Variants in ASH1L observed in about 807,000 individuals in gnomAD.
ASH1L encodes the protein ASH1 like histone lysine methyltransferase, also known as histone-lysine N-methyltransferase ASH1L.
ASH1L carries 23 observed loss-of-function variants against 269.0 expected under a neutral mutation model. That is an observed-to-expected ratio of 0.09 (90% confidence interval 0.06 to 0.12). The LOEUF is 0.12. Among genes scored for constraint, ASH1L ranks in the 10% least tolerant of loss-of-function variants. The probability of loss-of-function intolerance (pLI) is 1.00; values close to 1 mark genes in which losing one functional copy is unlikely to be tolerated. For synonymous variants in ASH1L, 1,187 were observed against 1,253.5 expected (o/e 0.95, Z 1.12); for missense variants, 2,912 against 3,567.8 (o/e 0.82, Z 4.68).
chr1:155,512,513 G>A, intron 2 of ASH1L, among the ~76,000 whole-genome samples: 1 of 135,640 alleles, frequency 7.4e-6, no homozygotes, highest in East Asian at 2.5e-4. Flanking sequence ...GTGCAGTAGT[G>A]TGATCTCGGC....
intron 3 of ASH1L, among the ~76,000 whole-genome samples, chr1:155,469,046 C>T (rs1664897297): frequency 1.3e-5 from 2 of 152,304 alleles, no homozygotes; most frequent in African/African-American, 4.8e-5. Context: ...TTCCATTCCT[C>T]AGCCTCCAGA....
chr1:155,549,624 CA>C (rs1043659273), intron 1 of ASH1L, among the ~76,000 whole-genome samples: 3,003 of 60,466 alleles, frequency 0.05, 54 homozygotes, highest in African/African-American at 0.12. Context: ...GACTCAGTCT[CA>C]AAAAAAAAAA....
At chr1:155,370,708 C>T in intron 11 of ASH1L, 58 bp from the exon 12 acceptor site, 5 of 1,611,612 alleles carry the variant, frequency 3.1e-6, no homozygotes, top group East Asian at 2.2e-5. Context: ...GTAAATTTCA[C>T]ATCTTCCATT....
intron 13 of ASH1L, 74 bp from the exon 14 acceptor site, chr1:155,357,823 T>G (rs913315670): frequency 1.6e-5 from 22 of 1,389,348 alleles, no homozygotes; most frequent in Non-Finnish European, 2.1e-5. Context: ...CAGGCTGAAG[T>G]ACAATAGTAT....
In ASH1L at chr1:155,337,391, A is replaced by C. The variant is rs1652403323; in HGVS notation, c.*269T>G. On this transcript the variant is annotated 3_prime_UTR_variant, in exon 28 of 28. Transcript: ENST00000392403. Reference sequence around the variant, plus strand: ...AAAGTACCAGTAGGTTCTGGTCATCAATGTGGTCCTCCCTCCTCTCTACAT... The same window carrying C: ...AAAGTACCAGTAGGTTCTGGTCATCCATGTGGTCCTCCCTCCTCTCTACAT... 1 of 284,792 alleles carries C rather than the reference A, an allele frequency of 3.5e-6. No homozygotes were observed. Among genetic ancestry groups the C allele is most frequent in the Non-Finnish European group, 6.7e-6 (1 of 149,170 alleles). The allele number at this position is 284,792 out of a possible 1,614,324, so 17.6% of individuals were successfully genotyped here.
intron 21 of ASH1L, chr1:155,345,828 CTTTTT>C: frequency 2.8e-5 from 4 of 144,142 alleles, no homozygotes; most frequent in South Asian, 1.5e-4. Flanking sequence ...TGCACCCGGC[CTTTTT>C]TTTTTTTTTT....
chr1:155,486,047 C>A (rs1320105850), intron 2 of ASH1L, among the ~76,000 whole-genome samples: 1 of 151,950 alleles, frequency 6.6e-6, no homozygotes, highest in Non-Finnish European at 1.5e-5. Flanking sequence ...TTCTAAAAAT[C>A]ACAGAGTAAG....
intron 1 of ASH1L, among the ~76,000 whole-genome samples, chr1:155,537,092 T>C (rs1670110617): frequency 6.6e-6 from 1 of 150,618 alleles, no homozygotes; most frequent in East Asian, 1.9e-4. Flanking sequence ...AGAAAGGCAA[T>C]TATTTATCAA....
At chr1:155,526,097 A>G (rs1248292845) in intron 1 of ASH1L, among the ~76,000 whole-genome samples, 1 of 152,200 alleles carries the variant, frequency 6.6e-6, no homozygotes, top group East Asian at 1.9e-4. Flanking sequence ...AGGGAAGGCC[A>G]ACTGTATAAT....
intron 12 of ASH1L, among the ~76,000 whole-genome samples, chr1:155,365,681 A>G (rs757504427): frequency 6.6e-6 from 1 of 152,154 alleles, no homozygotes; most frequent in African/African-American, 2.4e-5. Context: ...AGTGCTTTCT[A>G]TTAAGGAACC....
intron 7 of ASH1L, among the ~76,000 whole-genome samples, chr1:155,381,123 G>T (rs1488767515): frequency 6.6e-6 from 1 of 152,070 alleles, no homozygotes; most frequent in African/African-American, 2.4e-5. Context: ...TAAACCTATA[G>T]CGCTACCAGT....
chr1:155,449,519 GTTGT>G (rs1480889358), intron 4 of ASH1L, among the ~76,000 whole-genome samples: 1 of 148,704 alleles, frequency 6.7e-6, no homozygotes, highest in East Asian at 2.0e-4. Flanking sequence ...GAAAAATGTG[GTTGT>G]TTTTTTTTTT....
intron 20 of ASH1L, 43 bp downstream of exon 20, chr1:155,347,613 T>A: frequency 6.2e-7 from 1 of 1,608,372 alleles, no homozygotes; most frequent in African/African-American, 1.3e-5. Flanking sequence ...ATGGTCACCG[T>A]GTTCATCAGG....
At chr1:155,484,928 C>CAAAAAAAAAAAAAAAAAA (rs761331437) in intron 2 of ASH1L, among the ~76,000 whole-genome samples, 1 of 82,782 alleles carries the variant, frequency 1.2e-5, no homozygotes, top group Admixed American at 1.4e-4. Flanking sequence ...TGCTCTGTCT[C>CAAAAAAAAAAAAAAAAAA]AAAAAAAAAA....
chr1:155,465,543 G>A (rs1443687729), intron 3 of ASH1L, among the ~76,000 whole-genome samples: 6 of 152,096 alleles, frequency 3.9e-5, no homozygotes, highest in Admixed American at 3.9e-4. Context: ...ATGCTAATTT[G>A]GAAGAATGCT....
chr1:155,388,732 T>TC lies in ASH1L; in HGVS notation c.6103+6726dup, dbSNP rs34887773. Among the ~76,000 whole-genome samples, 392 of 142,536 alleles carry TC rather than the reference T, an allele frequency of 2.8e-3. 1 individual carries two copies. The highest frequency in any genetic ancestry group is 4.3e-3 in the Non-Finnish European group (280 of 64,794). 93.5% of individuals were successfully genotyped at this position (142,536 alleles called of 152,430 possible). ...TTGCGATTCTTTTTTTTTTTTTTTTTCATAGAAAACAGGGACTTGATCCAT... is the reference window on the plus strand; with the variant it reads ...TTGCGATTCTTTTTTTTTTTTTTTTTCCATAGAAAACAGGGACTTGATCCAT... On this transcript the variant is annotated intron_variant, in intron 7 of 27. Coordinates refer to ENST00000392403, the MANE Select transcript of ASH1L (RefSeq NM_018489.3).
At chr1:155,393,640 C>T (rs936150137) in intron 7 of ASH1L, among the ~76,000 whole-genome samples, 6 of 151,676 alleles carry the variant, frequency 4.0e-5, no homozygotes, top group East Asian at 3.9e-4. Context: ...CTGCACACTC[C>T]GCCTCCTGGG....
At chr1:155,411,923 T>C (rs539699064) in intron 6 of ASH1L, among the ~76,000 whole-genome samples, 1 of 151,928 alleles carries the variant, frequency 6.6e-6, no homozygotes, top group South Asian at 2.1e-4. Flanking sequence ...ATGGCTGTCA[T>C]TGACGCCTAT....
intron 3 of ASH1L, among the ~76,000 whole-genome samples, chr1:155,468,318 C>G (rs1041703884): frequency 2.6e-5 from 4 of 151,234 alleles, no homozygotes; most frequent in African/African-American, 9.7e-5. Flanking sequence ...TAACCTTGAA[C>G]TTGGTTAAGG....
Sources: allele counts gnomAD v4.1 joint callset (sites outside exome capture counted in the v4.1 genomes callset), GRCh38; gene constraint gnomAD v4.1.1; transcripts MANE v1.5; gene names NCBI Gene and HGNC (gene_info 2026-07-23, HGNC 2026-07-21).